The following STAU2 variants were observed in gnomAD, a reference collection of about 807,000 sequenced individuals.
STAU2 encodes double-stranded RNA-binding protein Staufen homolog 2.
Under a neutral mutation model 65.9 loss-of-function variants are expected in STAU2, and 20 were observed. The observed-to-expected ratio is 0.30, with a 90% confidence interval of 0.21 to 0.44. The LOEUF (loss-of-function observed/expected upper bound fraction) is 0.44. STAU2 is among the 20% of genes least tolerant of loss of function. The pLI is 1.00. For synonymous variants in STAU2, 232 were observed against 233.9 expected (o/e 0.99, Z 0.07); for missense variants, 558 against 683.9 (o/e 0.82, Z 2.05).
intron 3 of STAU2, among the ~76,000 whole-genome samples, chr8:73,709,542 G>A (rs561390228): frequency 1.3e-5 from 2 of 151,446 alleles, no homozygotes; most frequent in South Asian, 2.1e-4. Context: ...CTTCTTGATC[G>A]TTTCATCTCA....
chr8:73,545,454 T>G (rs1019481160), intron 13 of STAU2, among the ~76,000 whole-genome samples: 4 of 152,180 alleles, frequency 2.6e-5, no homozygotes, highest in Non-Finnish European at 5.9e-5. Flanking sequence ...TTGATGTGAC[T>G]ATATTAAGAT....
chr8:73,433,257 T>C (rs1817434580), intron 13 of STAU2, among the ~76,000 whole-genome samples: 2 of 151,546 alleles, frequency 1.3e-5, no homozygotes, highest in South Asian at 4.2e-4. Context: ...CAGGCTGGAG[T>C]GCAATGGTGC....
chr8:73,492,288 T>C (rs1031279432), intron 13 of STAU2, among the ~76,000 whole-genome samples: 1 of 151,944 alleles, frequency 6.6e-6, no homozygotes, highest in Non-Finnish European at 1.5e-5. Context: ...TTAAGAATTT[T>C]TTAGTTGTTT....
At chr8:73,463,999 A>G (rs1205657606) in intron 13 of STAU2, among the ~76,000 whole-genome samples, 1 of 152,236 alleles carries the variant, frequency 6.6e-6, no homozygotes, top group Non-Finnish European at 1.5e-5. Flanking sequence ...CAGATTTATT[A>G]GGAAACATCT....
intron 13 of STAU2, among the ~76,000 whole-genome samples, chr8:73,500,480 TAA>T (rs1413241106): frequency 6.6e-6 from 1 of 151,888 alleles, no homozygotes; most frequent in East Asian, 1.9e-4. Context: ...TCCCTAGTAT[TAA>T]GTTACACAGT....
At chr8:73,567,143 C>T (rs1423210877) in intron 12 of STAU2, among the ~76,000 whole-genome samples, 3 of 152,052 alleles carry the variant, frequency 2.0e-5, no homozygotes, top group African/African-American at 4.8e-5. Context: ...AGTGAAAATG[C>T]AATTCTTGCA....
At chr8:73,533,415 T>C in intron 13 of STAU2, among the ~76,000 whole-genome samples, 1 of 152,336 alleles carries the variant, frequency 6.6e-6, no homozygotes, top group Non-Finnish European at 1.5e-5. Flanking sequence ...TGTAATCTCA[T>C]AAACCCAGAT....
intron 12 of STAU2, among the ~76,000 whole-genome samples, chr8:73,568,910 G>A (rs975542914): frequency 9.9e-5 from 15 of 152,188 alleles, no homozygotes; most frequent in African/African-American, 2.9e-4. Context: ...CAGTGTGAGC[G>A]ATGCAGAAGA....
chr8:73,562,235 C>T (rs181543200), intron 12 of STAU2, among the ~76,000 whole-genome samples: 3 of 152,088 alleles, frequency 2.0e-5, no homozygotes, highest in African/African-American at 7.2e-5. Context: ...CCTGTGATCC[C>T]AACACTTTGG....
At chr8:73,624,224 A>G (rs1813476940) in intron 6 of STAU2, among the ~76,000 whole-genome samples, 2 of 152,198 alleles carry the variant, frequency 1.3e-5, no homozygotes, top group Non-Finnish European at 2.9e-5. Context: ...AATTTGATAA[A>G]CTAGTGGAAT....
chr8:73,495,093 A>ATTC (rs1242895429), intron 13 of STAU2, among the ~76,000 whole-genome samples: 9 of 151,660 alleles, frequency 5.9e-5, no homozygotes, highest in South Asian at 4.1e-4. Flanking sequence ...GGAGTTTTTA[A>ATTC]TTCTTATTTG....
intron 13 of STAU2, among the ~76,000 whole-genome samples, chr8:73,515,332 C>A (rs577934010): frequency 6.6e-6 from 1 of 152,096 alleles, no homozygotes; most frequent in African/African-American, 2.4e-5. Flanking sequence ...ACAATTGGCA[C>A]GACAGTATCA....
intron 13 of STAU2, among the ~76,000 whole-genome samples, chr8:73,548,074 T>G (rs1276333792): frequency 1.3e-5 from 2 of 152,114 alleles, no homozygotes; most frequent in African/African-American, 4.8e-5. Context: ...TGAGCGTCCA[T>G]GAACTTTGGT....
At chr8:73,488,443 A>G (rs1444801305) in intron 13 of STAU2, among the ~76,000 whole-genome samples, 9 of 152,024 alleles carry the variant, frequency 5.9e-5, no homozygotes, top group African/African-American at 1.9e-4. Context: ...AAGGAAATAA[A>G]GCTGTAATAA....
intron 4 of STAU2, among the ~76,000 whole-genome samples, chr8:73,699,821 A>G (rs972619649): frequency 6.7e-6 from 1 of 148,762 alleles, no homozygotes; most frequent in Non-Finnish European, 1.5e-5. Flanking sequence ...TCATTCTGTG[A>G]GGCCAGTATT....
rs1807196452 is a variant in STAU2, at chr8:73,549,837, TA to T, written c.1530+2174del. The T allele has an allele frequency of 4.3e-6, 4 of 933,394 alleles. No individual in the cohort carries two copies. The Admixed American group carries it at 3.2e-4, about 75-fold the overall frequency. The allele number at this position is 933,394 out of a possible 1,614,324, so 57.8% of individuals were successfully genotyped here. On this transcript the variant is annotated intron_variant, in intron 13 of 14. Transcript: ENST00000524300. The stretch of plus-strand genomic sequence containing the variant: ...AGTTTCAGAAATAAAAGTAACAGAA[TA>T]GTGTATAATCTGTAACAAGCTGGTC...
chr8:73,421,499 C>G, intron 14 of STAU2, 34 bp from the exon 15 acceptor site: 2 of 1,533,550 alleles, frequency 1.3e-6, no homozygotes, highest in Non-Finnish European at 1.7e-6. Context: ...GAGCTGAAGG[C>G]CTGGGGTTGC....
chr8:73,561,298 G>A (rs1808209931), intron 12 of STAU2: 1 of 325,306 alleles, frequency 3.1e-6, no homozygotes, highest in African/African-American at 2.2e-5. Flanking sequence ...CACTTAGTTG[G>A]CTTATTTAGA....
chr8:73,517,433 A>AATAAAT (rs61261295), intron 13 of STAU2, among the ~76,000 whole-genome samples: 1 of 150,692 alleles, frequency 6.6e-6, no homozygotes, highest in African/African-American at 2.4e-5. Context: ...TCAATAAATA[A>AATAAAT]AAATAAATAA....
Sources: gnomAD v4.1 joint callset for allele counts (sites outside exome capture counted in the v4.1 genomes callset) on GRCh38, gnomAD v4.1.1 for gene constraint, MANE v1.5 for transcripts, NCBI Gene and HGNC (gene_info 2026-07-23, HGNC 2026-07-21) for gene names.